The following TCOF1 variants were observed in gnomAD, a reference collection of about 807,000 sequenced individuals.
TCOF1 encodes the protein treacle protein.
Under a neutral mutation model 149.0 loss-of-function variants are expected in TCOF1, and 33 were observed. The ratio of observed to expected loss-of-function variants is 0.22; its 90% CI spans 0.17 to 0.30. The LOEUF (loss-of-function observed/expected upper bound fraction) is 0.30. Among genes scored for constraint, TCOF1 ranks in the 10% least tolerant of loss-of-function variants. The pLI, the probability that TCOF1 is intolerant of heterozygous loss-of-function variation, is 1.00. For missense variants in TCOF1, 1,728 were observed against 1,840.7 expected, an observed-to-expected ratio of 0.94 and a Z score of 1.12; for synonymous variants, 789 against 738.8, an observed-to-expected ratio of 1.07 and a Z score of -1.10.
intron 17 of TCOF1, chr5:150,384,526 G>A (rs1561518389): frequency 4.1e-6 from 4 of 985,444 alleles, no homozygotes; most frequent in Non-Finnish European, 4.8e-6. Context: ...GAGCCTTTAC[G>A]AGGCCACCTG....
intron 18 of TCOF1, among the ~76,000 whole-genome samples, chr5:150,389,177 C>A (rs1346413862): frequency 6.6e-6 from 1 of 152,136 alleles, no homozygotes; most frequent in Admixed American, 6.6e-5. Context: ...CAGATTAGCA[C>A]ATAAGAAACT....
At chr5:150,384,499 C>G in intron 17 of TCOF1, 1 of 985,488 alleles carries the variant, frequency 1.0e-6, no homozygotes, top group Non-Finnish European at 1.2e-6. Flanking sequence ...TTGGGCATTG[C>G]CCTCTGGCTC....
At chr5:150,363,841 T>C (rs1218542152) in intron 2 of TCOF1, among the ~76,000 whole-genome samples, 1 of 152,200 alleles carries the variant, frequency 6.6e-6, no homozygotes, top group East Asian at 1.9e-4. Flanking sequence ...TCAGCTCCTA[T>C]CACTTAAAGA....
rs115710082 is a variant in TCOF1, at chr5:150,395,107, A to T, written c.3785-1175A>T. ...CTGCCTAACCTGGCCTGCCCTGCCC[A>T]GTCCACCTCCCCCAGCCCACCGCAG... is the stretch of plus-strand genomic sequence containing the variant. On this transcript the variant is annotated intron_variant, in intron 23 of 26. Coordinates refer to ENST00000643257, the MANE Select transcript of TCOF1 (RefSeq NM_001371623.1). Among the ~76,000 whole-genome samples, 733 of 152,178 alleles carry T rather than the reference A, an allele frequency of 4.8e-3. 8 individuals are homozygous for T. Among genetic ancestry groups the T allele is most frequent in the African/African-American group, 0.017 (707 of 41,516 alleles).
chr5:150,393,687 G>A, intron 23 of TCOF1, 135 bp downstream of exon 23: 4 of 1,226,000 alleles, frequency 3.3e-6, no homozygotes, highest in Non-Finnish European at 4.6e-6. Flanking sequence ...GTGAGACCTT[G>A]TGGCCTTGCA....
intron 7 of TCOF1, among the ~76,000 whole-genome samples, chr5:150,373,955 C>T (rs1477046973): frequency 6.6e-6 from 1 of 152,078 alleles, no homozygotes; most frequent in Non-Finnish European, 1.5e-5. Context: ...TGAAATGGAA[C>T]AGGGGGCATG....
At chr5:150,365,208 A>G (rs1288314898) in intron 3 of TCOF1, among the ~76,000 whole-genome samples, 2 of 150,158 alleles carry the variant, frequency 1.3e-5, no homozygotes, top group African/African-American at 2.5e-5. Flanking sequence ...GACTACAGGC[A>G]TGCACCACTA....
At chr5:150,393,610 C>T (rs536832932) in intron 23 of TCOF1, 58 bp downstream of exon 23, 1 of 1,605,144 alleles carries the variant, frequency 6.2e-7, no homozygotes, top group East Asian at 2.2e-5. Flanking sequence ...GGCAGTGGGC[C>T]CCTTCTTGCC....
intron 23 of TCOF1, among the ~76,000 whole-genome samples, chr5:150,395,395 G>A (rs1383880025): frequency 1.3e-5 from 2 of 152,174 alleles, no homozygotes; most frequent in Admixed American, 6.5e-5. Context: ...AGTTAGAGCC[G>A]GTGAGGAGAC....
Position 150,368,713 on chromosome 5 carries a change from T to C in TCOF1, c.379-3T>C. The C allele has an allele frequency of 1.9e-6, 3 of 1,613,986 alleles. No homozygotes were observed. The highest frequency in any genetic ancestry group is 3.3e-4 in the Middle Eastern group (2 of 6,062). On this transcript the variant is annotated splice_region_variant and splice_polypyrimidine_tract_variant and intron_variant, in intron 4 of 26. Transcript: ENST00000643257. The stretch of plus-strand genomic sequence containing the variant: ...ATGTGTCTGTCACTCTTGTTCTCTG[T>C]AGGCAGAGACAGAGAAAGCTGGCAA...
At chr5:150,364,340 G>T in intron 3 of TCOF1, 88 bp downstream of exon 3, 3 of 1,589,170 alleles carry the variant, frequency 1.9e-6, no homozygotes, top group Non-Finnish European at 2.6e-6. Flanking sequence ...CTTATCACTA[G>T]AAGACCTAAA....
chr5:150,371,874 C>T (rs1762602696), intron 6 of TCOF1, 132 bp from the exon 7 acceptor site: 4 of 800,528 alleles, frequency 5.0e-6, no homozygotes, highest in South Asian at 4.6e-5. Flanking sequence ...AGCTAATAGC[C>T]GTCTCAGGGA....
In TCOF1 at chr5:150,396,666, A is replaced by T; in HGVS notation, c.4169A>T (p.Lys1390Ile). Reference protein sequence around the residue: ...PEKTSTTSKGKAKRDKASGDV... With the variant: ...PEKTSTTSKGIAKRDKASGDV... ...AAGACCTCCACGACTTCCAAGGGGA[A>T]AGCAAAGAGAGACAAAGCAAGTGGT... Residue 1390 changes from lysine to isoleucine, a missense_variant, in exon 24 of 27, where the codon AAA becomes ATA. Physicochemically the swap from Lys to Ile is moderately radical, Grantham distance 102. Coordinates refer to ENST00000643257, the MANE Select transcript of TCOF1 (RefSeq NM_001371623.1). 6.2e-7 allele frequency: 1 copy of T among 1,611,664 alleles called. No individual in the cohort carries two copies. Among genetic ancestry groups the T allele is most frequent in the East Asian group, 2.2e-5 (1 of 44,838 alleles).
chr5:150,381,291 C>T (rs1251421725), intron 17 of TCOF1, among the ~76,000 whole-genome samples: 1 of 152,222 alleles, frequency 6.6e-6, no homozygotes, highest in Non-Finnish European at 1.5e-5. Context: ...CTAACCTCTG[C>T]CTTTGATACA....
chr5:150,397,175 G>C (rs551861264), intron 24 of TCOF1, among the ~76,000 whole-genome samples: 2 of 90,408 alleles, frequency 2.2e-5, no homozygotes, highest in Non-Finnish European at 5.1e-5. Context: ...AAAAAAAAAA[G>C]GCTGAGAAGT....
chr5:150,361,049 TCTGAACCAC>T, intron 1 of TCOF1, 98 bp from the exon 2 acceptor site: 1 of 1,483,334 alleles, frequency 6.7e-7, no homozygotes, highest in African/African-American at 1.4e-5. Context: ...AAGACCCTCT[TCTGAACCAC>T]CTGTCTATAC....
At chr5:150,390,086 C>A in intron 19 of TCOF1, 63 bp downstream of exon 19, 1 of 1,553,210 alleles carries the variant, frequency 6.4e-7, no homozygotes, top group Non-Finnish European at 8.7e-7. Context: ...TCCATACTTA[C>A]CCACATGTGC....
intron 3 of TCOF1, chr5:150,367,620 C>T: frequency 1.8e-6 from 1 of 571,386 alleles, no homozygotes. Flanking sequence ...ATCAAGGATG[C>T]AGACACATAG....
At chr5:150,384,266 C>T in intron 17 of TCOF1, 5 of 990,288 alleles carry the variant, frequency 5.0e-6, no homozygotes, top group Non-Finnish European at 6.0e-6. Flanking sequence ...TCGGTAACTC[C>T]CTGTATTCTC....
Sources: gnomAD v4.1 joint callset for allele counts (sites outside exome capture counted in the v4.1 genomes callset) on GRCh38, gnomAD v4.1.1 for gene constraint, MANE v1.5 for transcripts, NCBI Gene and HGNC (gene_info 2026-07-23, HGNC 2026-07-21) for gene names.